TSGA10: variants seen among roughly 807,000 people sequenced by gnomAD.
TSGA10 encodes the protein testis-specific gene 10 protein.
Under a neutral mutation model 96.6 loss-of-function variants are expected in TSGA10, and 43 were observed. The observed-to-expected ratio is 0.44, with a 90% CI of 0.35 to 0.57. The LOEUF (loss-of-function observed/expected upper bound fraction) is 0.57, where lower values mean the gene tolerates loss of function less well. Ranked by LOEUF, TSGA10 falls within the 20% of genes least tolerant of loss-of-function variation. The pLI, the probability that TSGA10 is intolerant of heterozygous loss-of-function variation, is 0.01. For missense variants in TSGA10, 703 were observed against 834.4 expected (o/e 0.84, Z 1.94); for synonymous variants, 229 against 269.9 (o/e 0.85, Z 1.48).
chr2:99,098,163 C>T (rs529237555), intron 10 of TSGA10, among the ~76,000 whole-genome samples: 19 of 152,076 alleles, frequency 1.2e-4, no homozygotes, highest in African/African-American at 4.6e-4. Flanking sequence ...CCTAGCCGGG[C>T]ACGGTGGCTC....
intron 10 of TSGA10, among the ~76,000 whole-genome samples, chr2:99,098,438 C>CAAAAAAAAAAAA (rs59144676): frequency 7.6e-5 from 7 of 92,618 alleles, no homozygotes; most frequent in African/African-American, 3.1e-4. Context: ...GACTCTGCCT[C>CAAAAAAAAAAAA]AAAAAAAAAA....
chr2:99,050,336 A>G (rs557290708), intron 16 of TSGA10, among the ~76,000 whole-genome samples: 26 of 152,352 alleles, frequency 1.7e-4, no homozygotes, highest in African/African-American at 6.0e-4. Context: ...GAGCACTGAC[A>G]TGACATTCAA....
chr2:99,100,287 C>A (rs528807819), intron 10 of TSGA10, among the ~76,000 whole-genome samples: 8 of 152,198 alleles, frequency 5.3e-5, no homozygotes, highest in African/African-American at 1.7e-4. Context: ...AACACTTTTA[C>A]AGTTATAGTA....
chr2:99,007,683 T>C (rs1335501562), intron 20 of TSGA10, among the ~76,000 whole-genome samples: 2 of 152,220 alleles, frequency 1.3e-5, no homozygotes, highest in East Asian at 1.9e-4. Flanking sequence ...ACTCTTGATA[T>C]AAAACAGGTC....
chr2:99,010,153 G>A (rs1281202321), intron 20 of TSGA10, among the ~76,000 whole-genome samples: 1 of 152,122 alleles, frequency 6.6e-6, no homozygotes, highest in Non-Finnish European at 1.5e-5. Context: ...GTAATTAAAT[G>A]AAAGAAGTTA....
At position 99,081,150 on chromosome 2, in the gene TSGA10, CT is replaced by C; in HGVS notation, c.727+131del. The C allele has an allele frequency of 1.2e-5, 5 of 423,500 alleles. No individual in the cohort carries two copies. In the South Asian group the frequency reaches 3.9e-4, roughly 33 times the overall value. The allele number at this position is 423,500 out of a possible 1,614,324, so 26.2% of individuals were successfully genotyped here. ...TGTCAAAGAAAAATGAATTTCTCTA[CT>C]ATTTTTTATTCATAAACTTAGTTAA... is the stretch of plus-strand genomic sequence containing the variant. On this transcript the variant is annotated intron_variant, in intron 11 of 20. Coordinates refer to ENST00000393483, the MANE Select transcript of TSGA10 (RefSeq NM_025244.4).
intron 3 of TSGA10, among the ~76,000 whole-genome samples, chr2:99,118,008 CTTAA>C (rs1326315785): frequency 6.6e-6 from 1 of 151,978 alleles, no homozygotes. Context: ...TTAAAAAGAA[CTTAA>C]TTACTATTGA....
intron 10 of TSGA10, among the ~76,000 whole-genome samples, chr2:99,099,265 T>C (rs189367920): frequency 2.0e-5 from 3 of 152,234 alleles, no homozygotes; most frequent in Admixed American, 1.3e-4. Flanking sequence ...TGAGCCAAGA[T>C]CGCGCCATTG....
At chr2:99,141,271 G>A (rs1232096047) in intron 1 of TSGA10, 1 of 718,676 alleles carries the variant, frequency 1.4e-6, no homozygotes, top group Non-Finnish European at 1.9e-6. Context: ...AGGAAGGACG[G>A]AGCCCGCGGG....
At chr2:99,145,377 G>T in intron 1 of TSGA10, among the ~76,000 whole-genome samples, 1 of 152,000 alleles carries the variant, frequency 6.6e-6, no homozygotes, top group South Asian at 2.1e-4. Flanking sequence ...GTTCAACATG[G>T]CAAAACCCTG....
intron 12 of TSGA10, among the ~76,000 whole-genome samples, chr2:99,073,995 C>CTTTTTT (rs2086298056): frequency 1.9e-4 from 7 of 36,136 alleles, no homozygotes; most frequent in African/African-American, 4.5e-4. Flanking sequence ...GTTCCTGTTT[C>CTTTTTT]TTTTCTTTTT....
intron 17 of TSGA10, among the ~76,000 whole-genome samples, chr2:99,021,714 C>T (rs766576898): frequency 5.3e-5 from 8 of 152,120 alleles, no homozygotes; most frequent in Admixed American, 2.0e-4. Context: ...GTCATGACCA[C>T]CAAAAATGTC....
At chr2:99,069,223 C>T (rs1022191624) in intron 14 of TSGA10, among the ~76,000 whole-genome samples, 9 of 151,980 alleles carry the variant, frequency 5.9e-5, no homozygotes, top group African/African-American at 2.2e-4. Context: ...CTGAAAAAAA[C>T]TCTACTAGCA....
chr2:99,070,228 G>C (rs986269554), intron 14 of TSGA10, among the ~76,000 whole-genome samples: 3 of 152,228 alleles, frequency 2.0e-5, no homozygotes, highest in East Asian at 1.9e-4. Context: ...TATTTATTGA[G>C]TGATATACTG....
At chr2:99,135,160 AG>A (rs1300307240) in intron 1 of TSGA10, among the ~76,000 whole-genome samples, 4 of 152,220 alleles carry the variant, frequency 2.6e-5, no homozygotes, top group African/African-American at 9.7e-5. Context: ...GGAACATTCA[AG>A]TCTGCTGAAG....
intron 1 of TSGA10, among the ~76,000 whole-genome samples, chr2:99,128,857 C>T (rs2092946091): frequency 6.6e-6 from 1 of 152,166 alleles, no homozygotes; most frequent in African/African-American, 2.4e-5. Flanking sequence ...AAGCAATCTT[C>T]TCACCCTAGC....
chr2:99,138,464 G>A (rs74423983), intron 1 of TSGA10, among the ~76,000 whole-genome samples: 1,871 of 152,318 alleles, frequency 0.012, 40 homozygotes, highest in African/African-American at 0.043. Context: ...CAGCACAAAG[G>A]TGAAACGCAA....
chr2:99,147,319 T>C, intron 1 of TSGA10: 1 of 757,876 alleles, frequency 1.3e-6, no homozygotes, highest in Admixed American at 2.2e-5. Flanking sequence ...TATCTTAATA[T>C]CTAGTAAAGA....
chr2:99,138,492 A>T (rs1275356281), intron 1 of TSGA10, among the ~76,000 whole-genome samples: 1 of 152,262 alleles, frequency 6.6e-6, no homozygotes, highest in Non-Finnish European at 1.5e-5. Context: ...TTTTCAAAAT[A>T]AGAAAATTTA....
Sources: gnomAD v4.1 joint callset for allele counts (sites outside exome capture counted in the v4.1 genomes callset) on GRCh38, gnomAD v4.1.1 for gene constraint, MANE v1.5 for transcripts, NCBI Gene and HGNC (gene_info 2026-07-23, HGNC 2026-07-21) for gene names.